Variants in B3GALT1 observed in about 807,000 individuals in gnomAD.
B3GALT1 encodes UDP-Gal:betaGlcNAc beta 1,3-galactosyltransferase, polypeptide 1.
In B3GALT1, 10 loss-of-function variants were observed where a neutral mutation model predicts 23.2. The observed-to-expected ratio is 0.43, with a 90% CI of 0.27 to 0.73. The LOEUF is 0.73. Ranked by LOEUF, B3GALT1 falls within the 30% of genes least tolerant of loss-of-function variation. B3GALT1 has a pLI of 0.21. For missense variants in B3GALT1, 299 were observed against 405.4 expected (o/e 0.74, Z 2.25); for synonymous variants, 156 against 141.5 (o/e 1.10, Z -0.73).
In B3GALT1 at chr2:167,563,880, G is replaced by A. The variant is rs1194729900; in HGVS notation, c.-410+73603G>A. The stretch of plus-strand genomic sequence containing the variant: ...CGGGCAGAGGCGCCCCTCATCTGCC[G>A]GACGGGGCGGCCGGCCGGGCGGGGC... On this transcript the variant is annotated intron_variant, in intron 2 of 4. Transcript: ENST00000392690. 2.2e-4 allele frequency among the ~76,000 whole-genome samples: 20 copies of A among 89,690 alleles called. No homozygotes were observed. In the East Asian group the frequency reaches 2.4e-3, roughly 11 times the overall value. 58.8% of individuals were successfully genotyped at this position (89,690 alleles called of 152,430 possible). A position where few individuals can be genotyped will look rare whatever the true frequency, so the allele number is the denominator to read the frequency against.
At chr2:167,850,927 C>A (rs10167773) in intron 4 of B3GALT1, among the ~76,000 whole-genome samples, 2,028 of 152,102 alleles carry the variant, frequency 0.013, 40 homozygotes, top group African/African-American at 0.046. Context: ...GAACTTTCTC[C>A]TGTATCCAAA....
intron 3 of B3GALT1, among the ~76,000 whole-genome samples, chr2:167,725,886 G>C (rs1034523875): frequency 1.3e-5 from 2 of 152,200 alleles, no homozygotes; most frequent in Admixed American, 1.3e-4. Context: ...TAAAGTGACA[G>C]TTGACTTATT....
At chr2:167,851,352 A>G (rs1221332933) in intron 4 of B3GALT1, among the ~76,000 whole-genome samples, 3 of 152,136 alleles carry the variant, frequency 2.0e-5, no homozygotes, top group African/African-American at 7.3e-5. Flanking sequence ...AAAACACAAT[A>G]ACAAAAAAGT....
chr2:167,705,306 A>G (rs1686951769), intron 3 of B3GALT1, among the ~76,000 whole-genome samples: 1 of 152,224 alleles, frequency 6.6e-6, no homozygotes, highest in African/African-American at 2.4e-5. Context: ...ACCCAAAAGA[A>G]AAACTTATCT....
At chr2:167,694,274 G>T (rs971389961) in intron 3 of B3GALT1, among the ~76,000 whole-genome samples, 2 of 152,006 alleles carry the variant, frequency 1.3e-5, no homozygotes, top group Non-Finnish European at 2.9e-5. Context: ...AGTAGGTAAT[G>T]GATTATTTTG....
At chr2:167,594,641 G>C (rs1038327055) in intron 2 of B3GALT1, among the ~76,000 whole-genome samples, 1 of 152,110 alleles carries the variant, frequency 6.6e-6, no homozygotes, top group Non-Finnish European at 1.5e-5. Context: ...GGCCTGGCAC[G>C]GTGGCTCACA....
At chr2:167,596,089 A>G (rs1684769408) in intron 2 of B3GALT1, among the ~76,000 whole-genome samples, 1 of 152,202 alleles carries the variant, frequency 6.6e-6, no homozygotes, top group African/African-American at 2.4e-5. Flanking sequence ...GAGGAGAGAA[A>G]TTAAATTTCT....
At chr2:167,803,312 A>G (rs769410409) in intron 3 of B3GALT1, among the ~76,000 whole-genome samples, 6 of 152,220 alleles carry the variant, frequency 3.9e-5, no homozygotes, top group Non-Finnish European at 8.8e-5. Flanking sequence ...CTATTCCAAA[A>G]TAGCTCAATT....
chr2:167,660,285 G>A (rs1036413309), intron 3 of B3GALT1, among the ~76,000 whole-genome samples: 7 of 152,140 alleles, frequency 4.6e-5, no homozygotes, highest in African/African-American at 1.7e-4. Flanking sequence ...TTTCTTGCTT[G>A]TGTGGCTCTC....
At chr2:167,592,305 G>A (rs571852854) in intron 2 of B3GALT1, among the ~76,000 whole-genome samples, 1 of 152,236 alleles carries the variant, frequency 6.6e-6, no homozygotes, top group East Asian at 1.9e-4. Flanking sequence ...AGTTTCCATG[G>A]TCAGTCAACC....
chr2:167,846,927 T>G (rs1689773534), intron 4 of B3GALT1, among the ~76,000 whole-genome samples: 1 of 152,142 alleles, frequency 6.6e-6, no homozygotes, highest in Admixed American at 6.5e-5. Flanking sequence ...TTCATGCAAA[T>G]GGACACCAAA....
intron 3 of B3GALT1, among the ~76,000 whole-genome samples, chr2:167,816,434 T>C (rs1688992678): frequency 6.6e-6 from 1 of 152,114 alleles, no homozygotes; most frequent in African/African-American, 2.4e-5. Flanking sequence ...ATTTACACAT[T>C]TTCCACACCT....
intron 2 of B3GALT1, among the ~76,000 whole-genome samples, chr2:167,541,598 C>G (rs553877887): frequency 3.9e-4 from 59 of 152,214 alleles, no homozygotes; most frequent in African/African-American, 1.3e-3. Context: ...CCTCAATTCT[C>G]TACATTCTTT....
At chr2:167,456,413 G>A (rs912115663) in intron 1 of B3GALT1, among the ~76,000 whole-genome samples, 1 of 152,204 alleles carries the variant, frequency 6.6e-6, no homozygotes, top group African/African-American at 2.4e-5. Flanking sequence ...AACATGAAAT[G>A]TGGAGAAGAC....
At chr2:167,825,437 G>GATGTGT (rs1553491809) in intron 4 of B3GALT1, among the ~76,000 whole-genome samples, 1 of 144,574 alleles carries the variant, frequency 6.9e-6, no homozygotes. Flanking sequence ...TATATGCAGG[G>GATGTGT]GTGTGTGTGT....
chr2:167,325,182 C>T (rs960374570), intron 1 of B3GALT1, among the ~76,000 whole-genome samples: 5 of 151,990 alleles, frequency 3.3e-5, no homozygotes, highest in Non-Finnish European at 1.5e-5. Flanking sequence ...ATACATATAT[C>T]TCTTTGATAT....
At chr2:167,849,163 A>G (rs957317411) in intron 4 of B3GALT1, among the ~76,000 whole-genome samples, 5 of 152,188 alleles carry the variant, frequency 3.3e-5, no homozygotes, top group African/African-American at 7.2e-5. Flanking sequence ...GACAAAAGCA[A>G]TCTACAAATT....
chr2:167,648,488 T>C (rs1015153660), intron 3 of B3GALT1, among the ~76,000 whole-genome samples: 4 of 152,132 alleles, frequency 2.6e-5, no homozygotes, highest in African/African-American at 9.7e-5. Flanking sequence ...CCTACCCATT[T>C]CTTAGGATAC....
At chr2:167,463,436 T>C (rs1699296862) in intron 1 of B3GALT1, among the ~76,000 whole-genome samples, 1 of 152,152 alleles carries the variant, frequency 6.6e-6, no homozygotes, top group Admixed American at 6.5e-5. Flanking sequence ...TAAGCACTAT[T>C]CTAAGTATTT....
Sources: gnomAD v4.1 joint callset for allele counts (sites outside exome capture counted in the v4.1 genomes callset) on GRCh38, gnomAD v4.1.1 for gene constraint, MANE v1.5 for transcripts, NCBI Gene and HGNC (gene_info 2026-07-23, HGNC 2026-07-21) for gene names.